Variants in DDX10 observed in about 807,000 individuals in gnomAD.
DDX10 encodes probable ATP-dependent RNA helicase DDX10.
In DDX10, 74 loss-of-function variants were observed where a neutral mutation model predicts 104.3. That is an observed-to-expected ratio of 0.71 (90% CI 0.59 to 0.86). The LOEUF is 0.86. Among genes scored for constraint, DDX10 ranks in the 40% least tolerant of loss-of-function variants. The pLI is 0.00. For synonymous variants in DDX10, 351 were observed against 353.4 expected (o/e 0.99, Z 0.08); for missense variants, 952 against 1,040.0 (o/e 0.92, Z 1.16).
In DDX10 at chr11:108,765,025, T is replaced by C. The variant is rs554927162; in HGVS notation, c.1965+41563T>C. ...TTAAAATTTATTTCTTTGTTTTAAC[T>C]AAGATATTAACTTTTATGCAAGGTT... is the stretch of plus-strand genomic sequence containing the variant. On this transcript the variant is annotated intron_variant, in intron 13 of 17. Coordinates refer to ENST00000322536, the MANE Select transcript of DDX10 (RefSeq NM_004398.4). 7.2e-5 allele frequency among the ~76,000 whole-genome samples: 11 copies of C among 152,346 alleles called. No homozygotes were observed. The South Asian group carries it at 2.3e-3, about 32-fold the overall frequency.
Position 108,679,409 on chromosome 11 carries a change from G to T in DDX10, c.697G>T (p.Ala233Ser). ...AGATAGAATCTTGGATATGGGCTTT[G>T]CTGATACCATGAATGCTGTTATTGA... ...EADRILDMGF[A>S]DTMNAVIENL... The change falls in exon 6 of 18, where the codon GCT becomes TCT. Residue 233 changes from alanine (A) to serine (S), a missense_variant. Physicochemically the swap from Ala to Ser is moderately conservative, Grantham distance 99. Transcript: ENST00000322536. 2 of 1,608,648 alleles carry T rather than the reference G, an allele frequency of 1.2e-6. No individual in the cohort carries two copies. The highest frequency in any genetic ancestry group is 1.7e-6 in the Non-Finnish European group (2 of 1,178,962).
chr11:108,742,464 C>T (rs558354753), intron 13 of DDX10, among the ~76,000 whole-genome samples: 1 of 151,948 alleles, frequency 6.6e-6, no homozygotes, highest in South Asian at 2.1e-4. Flanking sequence ...ACTCAGGAGG[C>T]TGAGGCAGGA....
chr11:108,931,282 G>T (rs148051710), intron 17 of DDX10, among the ~76,000 whole-genome samples: 1,547 of 152,310 alleles, frequency 0.01, 26 homozygotes, highest in African/African-American at 0.035. Context: ...CATTTATAAT[G>T]CATTTACCAT....
chr11:108,842,729 T>C (rs997557673), intron 15 of DDX10, among the ~76,000 whole-genome samples: 3 of 152,204 alleles, frequency 2.0e-5, no homozygotes, highest in Non-Finnish European at 2.9e-5. Context: ...AGCAATTAAA[T>C]TGAAATTTGA....
At chr11:108,911,556 CTTTTTTTTTTTTTTTTTTTTT>C (rs869132450) in intron 16 of DDX10, among the ~76,000 whole-genome samples, 2 of 63,690 alleles carry the variant, frequency 3.1e-5, no homozygotes, top group East Asian at 4.9e-4. Context: ...GCCTCCTCTT[CTTTTTTTTTTTTTTTTTTTTT>C]TTTTTTTTTT....
intron 10 of DDX10, among the ~76,000 whole-genome samples, chr11:108,708,066 C>T (rs2094278903): frequency 6.6e-6 from 1 of 151,952 alleles, no homozygotes; most frequent in Admixed American, 6.6e-5. Flanking sequence ...AAGAAGCTGC[C>T]AAACTGTCTT....
intron 9 of DDX10, among the ~76,000 whole-genome samples, chr11:108,700,981 A>C (rs1173710512): frequency 1.3e-5 from 2 of 152,084 alleles, no homozygotes; most frequent in Non-Finnish European, 2.9e-5. Flanking sequence ...CTTTCCATGC[A>C]ATACGTATTA....
chr11:108,873,773 A>C (rs1444088744), intron 16 of DDX10, among the ~76,000 whole-genome samples: 1 of 152,168 alleles, frequency 6.6e-6, no homozygotes, highest in Non-Finnish European at 1.5e-5. Context: ...ACATCCCTCA[A>C]ATGTTTTATT....
At chr11:108,753,120 A>G (rs1192137091) in intron 13 of DDX10, among the ~76,000 whole-genome samples, 1 of 151,060 alleles carries the variant, frequency 6.6e-6, no homozygotes, top group African/African-American at 2.4e-5. Flanking sequence ...TCTATAATGC[A>G]TAAAATTTCT....
intron 13 of DDX10, among the ~76,000 whole-genome samples, chr11:108,792,685 C>A (rs1480144793): frequency 6.6e-6 from 1 of 151,912 alleles, no homozygotes. Flanking sequence ...TCAATGGATG[C>A]CCTTTAACTT....
At chr11:108,742,152 C>T (rs1024184461) in intron 13 of DDX10, among the ~76,000 whole-genome samples, 11 of 151,948 alleles carry the variant, frequency 7.2e-5, no homozygotes, top group South Asian at 6.2e-4. Flanking sequence ...CTCAGCTACT[C>T]GGGAGACTGA....
In DDX10 at chr11:108,723,283, C is replaced by T. The variant is rs1253419752; in HGVS notation, c.1786C>T (p.Leu596=). Residue 596 remains leucine, a synonymous_variant, in exon 13 of 18, where the codon CTG becomes TTG. Coordinates refer to ENST00000322536, the MANE Select transcript of DDX10 (RefSeq NM_004398.4). ...CGATGAAGAAGAAATGGAAGAGAAA[C>T]TGGCAAAAGCAAAAGGATCTCAAGC... ...EDDEEEMEEK[L]AKAKGSQAPS... is the part of the protein sequence containing the mutation. The T allele has an allele frequency of 6.2e-7, 1 of 1,613,526 alleles. No individual in the cohort carries two copies. The highest frequency in any genetic ancestry group is 1.7e-5 in the Admixed American group (1 of 59,902).
chr11:108,695,177 A>G (rs899246883), intron 9 of DDX10, among the ~76,000 whole-genome samples: 5 of 152,202 alleles, frequency 3.3e-5, no homozygotes, highest in Admixed American at 2.0e-4. Context: ...TAAAGTTTCA[A>G]TGTACATTTG....
intron 13 of DDX10, among the ~76,000 whole-genome samples, chr11:108,723,735 T>A (rs1037118550): frequency 3.3e-5 from 5 of 152,164 alleles, no homozygotes; most frequent in Admixed American, 6.5e-5. Context: ...AAAGTCCTGA[T>A]TAAGTCTCAA....
At chr11:108,747,905 A>T (rs549642540) in intron 13 of DDX10, among the ~76,000 whole-genome samples, 1 of 152,154 alleles carries the variant, frequency 6.6e-6, no homozygotes, top group African/African-American at 2.4e-5. Context: ...CTTCCTAGGT[A>T]CAGTATGTCA....
At chr11:108,931,101 T>C (rs998075030) in intron 17 of DDX10, among the ~76,000 whole-genome samples, 5 of 152,120 alleles carry the variant, frequency 3.3e-5, no homozygotes, top group African/African-American at 1.2e-4. Context: ...TGAGCCATGA[T>C]AGCACCCTGT....
intron 13 of DDX10, among the ~76,000 whole-genome samples, chr11:108,738,318 T>C (rs2094320808): frequency 6.6e-6 from 1 of 151,874 alleles, no homozygotes; most frequent in Admixed American, 6.6e-5. Flanking sequence ...TTTTTACTGT[T>C]TCCTCTTAAG....
chr11:108,709,151 T>A (rs1442002741), intron 10 of DDX10, among the ~76,000 whole-genome samples: 4 of 152,190 alleles, frequency 2.6e-5, no homozygotes, highest in Non-Finnish European at 4.4e-5. Context: ...AGAGGGGACA[T>A]CATTGCTTTT....
rs1283947677 is a variant in DDX10 at position 108,688,999 on chromosome 11, G to A, written c.912G>A (p.Leu304=). ...AGCTGCAGCAAAAAATAAGTGTGCT[G>A]TATTCCTTTTTGAGAAGCCATCTGA... ...VCELQQKISV[L]YSFLRSHLKK... is the part of the protein sequence containing the mutation. Residue 304 remains leucine (L), a synonymous_variant, in exon 7 of 18, where the codon CTG becomes CTA. Transcript: ENST00000322536. 3.1e-6 allele frequency: 5 copies of A among 1,613,978 alleles called. No homozygotes were observed. The highest frequency in any genetic ancestry group is 1.7e-4 in the Middle Eastern group (1 of 6,058).
Sources: allele counts gnomAD v4.1 joint callset (sites outside exome capture counted in the v4.1 genomes callset), GRCh38; gene constraint gnomAD v4.1.1; transcripts MANE v1.5; gene names NCBI Gene and HGNC (gene_info 2026-07-23, HGNC 2026-07-21).